The following PRR16 variants were observed in gnomAD, a reference collection of about 807,000 sequenced individuals.
PRR16 encodes proline rich 16.
PRR16 carries 6 observed loss-of-function variants against 18.2 expected under a neutral mutation model. That is an observed-to-expected ratio of 0.33 (90% confidence interval 0.18 to 0.65). The LOEUF is 0.65. Among genes scored for constraint, PRR16 ranks in the 30% least tolerant of loss-of-function variants. The pLI, the probability that PRR16 is intolerant of heterozygous loss-of-function variation, is 0.74. For synonymous variants in PRR16, 151 were observed against 147.8 expected (o/e 1.02, Z -0.16); for missense variants, 412 against 376.6 (o/e 1.09, Z -0.78).
At chr5:120,464,770 A>C in intron 1 of PRR16, 125 bp downstream of exon 1, 1 of 1,047,100 alleles carries the variant, frequency 9.6e-7, no homozygotes, top group Admixed American at 3.0e-5. Flanking sequence ...AGGCGCCTGC[A>C]GACGGACTTT....
chr5:120,700,653 G>C, the PRR16 span, among the ~76,000 whole-genome samples: 2 of 151,968 alleles, frequency 1.3e-5, no homozygotes, highest in African/African-American at 2.4e-5. Flanking sequence ...AGTTTTAAGA[G>C]GTTTAGAAGC....
the PRR16 span, among the ~76,000 whole-genome samples, chr5:120,726,033 C>T: frequency 2.6e-5 from 4 of 152,002 alleles, no homozygotes; most frequent in Non-Finnish European, 5.9e-5. Context: ...ATGCTAAACA[C>T]TTGCCTTGTA....
At chr5:120,637,760 T>G (rs543655750) in intron 1 of PRR16, among the ~76,000 whole-genome samples, 18 of 151,968 alleles carry the variant, frequency 1.2e-4, no homozygotes, top group Non-Finnish European at 2.4e-4. Flanking sequence ...GAGACTGAGG[T>G]GGAAGGATCA....
At chr5:120,679,544 A>C (rs1756907787) in intron 1 of PRR16, among the ~76,000 whole-genome samples, 1 of 152,174 alleles carries the variant, frequency 6.6e-6, no homozygotes, top group South Asian at 2.1e-4. Flanking sequence ...ATAAAATCTA[A>C]TTGGTTAAGT....
chr5:120,668,747 G>C (rs1459606402), intron 1 of PRR16, among the ~76,000 whole-genome samples: 3 of 152,092 alleles, frequency 2.0e-5, no homozygotes, highest in Non-Finnish European at 4.4e-5. Context: ...ATTCTAGGTT[G>C]AAAATTCTTT....
chr5:120,646,004 C>G (rs1353540642), intron 1 of PRR16, among the ~76,000 whole-genome samples: 7 of 136,870 alleles, frequency 5.1e-5, no homozygotes, highest in Non-Finnish European at 9.3e-5. Context: ...AGGAGTTAGC[C>G]AAAATATGAA....
At chr5:120,664,363 A>G (rs904976226) in intron 1 of PRR16, among the ~76,000 whole-genome samples, 9 of 151,976 alleles carry the variant, frequency 5.9e-5, no homozygotes, top group African/African-American at 2.2e-4. Context: ...AATCCTGGGA[A>G]GGTACTCGTG....
chr5:120,762,031 A>G, the PRR16 span, among the ~76,000 whole-genome samples: 1 of 152,248 alleles, frequency 6.6e-6, no homozygotes, highest in Non-Finnish European at 1.5e-5. Flanking sequence ...CATGCATGTT[A>G]CTGAAAGTGA....
At chr5:120,771,025 T>A in the PRR16 span, among the ~76,000 whole-genome samples, 1 of 138,172 alleles carries the variant, frequency 7.2e-6, no homozygotes, top group African/African-American at 2.6e-5. Context: ...GATTTGAGAA[T>A]TCTTTAATTT....
At chr5:120,654,418 CT>C (rs35977550) in intron 1 of PRR16, among the ~76,000 whole-genome samples, 3 of 151,654 alleles carry the variant, frequency 2.0e-5, no homozygotes, top group Non-Finnish European at 4.4e-5. Flanking sequence ...ATTTAATGGC[CT>C]TTTTTTCCCT....
At position 120,488,861 on chromosome 5, in the gene PRR16, C is replaced by T. The variant is rs866512153; in HGVS notation, c.159+24216C>T. 2.6e-5 allele frequency among the ~76,000 whole-genome samples: 4 copies of T among 152,168 alleles called. 1 individual carries two copies. The South Asian group carries it at 6.2e-4, about 24-fold the overall frequency. ...TTCTGGTGTGTTGTGTCTTTGTTCT[C>T]GTTGGTTTCAAAGAACATCTTTATT... On this transcript the variant is annotated intron_variant, in intron 1 of 1. Coordinates refer to ENST00000407149, the MANE Select transcript of PRR16 (RefSeq NM_001300783.2).
the PRR16 span, among the ~76,000 whole-genome samples, chr5:120,740,453 C>G: frequency 5.9e-5 from 9 of 152,042 alleles, no homozygotes; most frequent in Non-Finnish European, 1.0e-4. Context: ...GTGTTCATTT[C>G]TCTTTTAAAC....
At chr5:120,587,927 C>T (rs540821057) in intron 1 of PRR16, among the ~76,000 whole-genome samples, 1 of 152,118 alleles carries the variant, frequency 6.6e-6, no homozygotes, top group Non-Finnish European at 1.5e-5. Context: ...ATTATAGATG[C>T]CATTAAGAAC....
At chr5:120,792,017 A>G in the PRR16 span, among the ~76,000 whole-genome samples, 1 of 152,280 alleles carries the variant, frequency 6.6e-6, no homozygotes, top group African/African-American at 2.4e-5. Context: ...GCATTGAAGT[A>G]TAGATGCCTG....
chr5:120,525,031 A>G (rs1207250666), intron 1 of PRR16, among the ~76,000 whole-genome samples: 3 of 152,188 alleles, frequency 2.0e-5, no homozygotes, highest in South Asian at 2.1e-4. Flanking sequence ...TTGCCAGTCT[A>G]TAAGTCTTCT....
intron 1 of PRR16, among the ~76,000 whole-genome samples, chr5:120,628,146 A>G (rs767987122): frequency 7.2e-5 from 11 of 151,992 alleles, no homozygotes; most frequent in Non-Finnish European, 1.6e-4. Flanking sequence ...TCAAGCCTGC[A>G]TATTTTGTTT....
the PRR16 span, among the ~76,000 whole-genome samples, chr5:120,723,096 C>T: frequency 6.6e-6 from 1 of 151,726 alleles, no homozygotes; most frequent in Non-Finnish European, 1.5e-5. Context: ...TTTGAGTTGT[C>T]ACATTCGCTT....
At chr5:120,514,252 G>A (rs140420241) in intron 1 of PRR16, among the ~76,000 whole-genome samples, 3 of 152,078 alleles carry the variant, frequency 2.0e-5, no homozygotes, top group Non-Finnish European at 2.9e-5. Context: ...CTCTCAAGGT[G>A]GTAGCTTGCC....
chr5:120,766,925 C>G, the PRR16 span, among the ~76,000 whole-genome samples: 2 of 151,842 alleles, frequency 1.3e-5, no homozygotes, highest in Non-Finnish European at 2.9e-5. Context: ...TTTATCTCCT[C>G]CTCAGTGGTG....
Sources: gnomAD v4.1 joint callset for allele counts (sites outside exome capture counted in the v4.1 genomes callset) on GRCh38, gnomAD v4.1.1 for gene constraint, MANE v1.5 for transcripts, NCBI Gene and HGNC (gene_info 2026-07-23, HGNC 2026-07-21) for gene names.